The following ANKFN1 variants were observed in gnomAD, a reference collection of about 807,000 sequenced individuals.
ANKFN1 encodes the protein ankyrin repeat and fibronectin type III domain containing 1.
Under a neutral mutation model 108.7 loss-of-function variants are expected in ANKFN1, and 74 were observed. That is an observed-to-expected ratio of 0.68 (90% confidence interval 0.56 to 0.83). The LOEUF is 0.83. Among genes scored for constraint, ANKFN1 ranks in the 40% least tolerant of loss-of-function variants. The pLI is 0.00. For synonymous variants in ANKFN1, 547 were observed against 516.2 expected (o/e 1.06, Z -0.81); for missense variants, 1,505 against 1,382.3 (o/e 1.09, Z -1.41).
intron 1 of ANKFN1, among the ~76,000 whole-genome samples, chr17:56,196,618 G>A (rs1913536230): frequency 6.6e-6 from 1 of 152,128 alleles, no homozygotes; most frequent in African/African-American, 2.4e-5. Flanking sequence ...CACATACCCT[G>A]TAGTCCTGGC....
chr17:56,435,273 G>C lies in ANKFN1; in HGVS notation c.911-5054G>C, dbSNP rs117661570. ...TACTGAGCCACCTACACTCTGCTAG[G>C]TGCTATGATAGGTGCTTTGGAAAGT... On this transcript the variant is annotated intron_variant, in intron 8 of 20. Coordinates refer to ENST00000682825, the MANE Select transcript of ANKFN1 (RefSeq NM_001370326.1). 3.9e-3 allele frequency among the ~76,000 whole-genome samples: 595 copies of C among 152,274 alleles called. 3 individuals carry two copies. Among genetic ancestry groups the C allele is most frequent in the Middle Eastern group, 6.8e-3 (2 of 294 alleles).
At chr17:56,403,267 G>C (rs1057058941) in intron 8 of ANKFN1, among the ~76,000 whole-genome samples, 6 of 152,052 alleles carry the variant, frequency 3.9e-5, no homozygotes, top group African/African-American at 1.2e-4. Context: ...TTTCTGTCTT[G>C]ATGACCTATC....
chr17:56,228,124 A>G (rs1916424037), intron 3 of ANKFN1, 167 bp downstream of exon 3: 1 of 565,162 alleles, frequency 1.8e-6, no homozygotes, highest in Non-Finnish European at 3.0e-6. Flanking sequence ...ATCATGGAAC[A>G]TTTCAGAAAC....
At chr17:56,325,483 G>A (rs1262209209) in intron 3 of ANKFN1, among the ~76,000 whole-genome samples, 1 of 152,084 alleles carries the variant, frequency 6.6e-6, no homozygotes, top group Non-Finnish European at 1.5e-5. Flanking sequence ...AAAGGAGCCG[G>A]GTATACCCAT....
chr17:56,371,749 A>G (rs1433179017), intron 6 of ANKFN1, among the ~76,000 whole-genome samples: 1 of 152,192 alleles, frequency 6.6e-6, no homozygotes, highest in East Asian at 1.9e-4. Flanking sequence ...TGAGGAGATC[A>G]TAAGAGGCAG....
chr17:56,161,415 C>T (rs1305864755), intron 1 of ANKFN1, among the ~76,000 whole-genome samples: 1 of 152,114 alleles, frequency 6.6e-6, no homozygotes, highest in Non-Finnish European at 1.5e-5. Context: ...CTCTGTATTA[C>T]TTTGATATGA....
intron 1 of ANKFN1, among the ~76,000 whole-genome samples, chr17:56,210,568 C>A (rs1914910305): frequency 6.6e-6 from 1 of 152,050 alleles, no homozygotes; most frequent in Non-Finnish European, 1.5e-5. Flanking sequence ...ATGTCCTTAG[C>A]CCACTTTTGG....
At position 56,511,353 on chromosome 17, in the gene ANKFN1, A is replaced by AC; in HGVS notation, c.*87dup. On this transcript the variant is annotated 3_prime_UTR_variant, in exon 21 of 21. Coordinates refer to ENST00000682825, the MANE Select transcript of ANKFN1 (RefSeq NM_001370326.1). ...TTACCCCCATCCTGCCCCACTGTGT[A>AC]CCCACTCATTTTCAAGCGTTTTGAA... The AC allele has an allele frequency of 2.3e-6, 3 of 1,286,122 alleles. No homozygotes were observed. The highest frequency in any genetic ancestry group is 2.1e-6 in the Non-Finnish European group (2 of 962,768). The allele number at this position is 1,286,122 out of a possible 1,614,324, so 79.7% of individuals were successfully genotyped here.
chr17:56,189,170 C>CT lies in ANKFN1; in HGVS notation c.-70-23410dup, dbSNP rs532063852. ...CCTAAGTAAGTAAATGTTGCCCTGA[C>CT]TTTTTTTTTTTTTTTTTTGAGACGG... is the stretch of plus-strand genomic sequence containing the variant. On this transcript the variant is annotated intron_variant, in intron 1 of 20. Transcript: ENST00000682825. Among the ~76,000 whole-genome samples the CT allele has an allele frequency of 4.5e-3, 384 of 85,258 alleles. 38 individuals are homozygous for CT. Among genetic ancestry groups the CT allele is most frequent in the African/African-American group, 0.016 (237 of 14,762 alleles). The allele number at this position is 85,258 out of a possible 152,430, so 55.9% of individuals were successfully genotyped here.
chr17:56,513,379 A>G lies in ANKFN1; in HGVS notation c.*2110A>G, dbSNP rs185346738. Among the ~76,000 whole-genome samples, 367 of 152,350 alleles carry G rather than the reference A, an allele frequency of 2.4e-3. 2 individuals are homozygous for G. Among genetic ancestry groups the G allele is most frequent in the African/African-American group, 8.2e-3 (339 of 41,578 alleles). ...AACTTAATTAAACAGCAAATTTGGG[A>G]AAAACATCATTTCAAATTATGCCTC... is the stretch of plus-strand genomic sequence containing the variant. On this transcript the variant is annotated 3_prime_UTR_variant, in exon 21 of 21. Coordinates refer to ENST00000682825, the MANE Select transcript of ANKFN1 (RefSeq NM_001370326.1).
chr17:56,326,147 TAA>T, intron 3 of ANKFN1, 72 bp from the exon 4 acceptor site: 1 of 1,507,654 alleles, frequency 6.6e-7, no homozygotes, highest in East Asian at 2.3e-5. Flanking sequence ...TATTTTGCAT[TAA>T]GAGTATCTTC....
At chr17:56,055,818 T>C (rs1440618318) in intron 4 of ANKFN1, among the ~76,000 whole-genome samples, 1 of 151,458 alleles carries the variant, frequency 6.6e-6, no homozygotes, top group East Asian at 1.9e-4. Flanking sequence ...TCCATAGAGG[T>C]TGAAATAATT....
rs903880609 is a variant in ANKFN1 at position 56,190,080 on chromosome 17, T to C, written c.-70-22518T>C. On this transcript the variant is annotated intron_variant, in intron 1 of 20. Coordinates refer to ENST00000682825, the MANE Select transcript of ANKFN1 (RefSeq NM_001370326.1). ...ATATCCCCTTTATCATTTTTTATTG[T>C]GTCTATTTGATTCTTCTCTCTTTTT... Among the ~76,000 whole-genome samples, 10 of 149,722 alleles carry C rather than the reference T, an allele frequency of 6.7e-5. No homozygotes were observed. The Admixed American group carries it at 6.7e-4, about 10-fold the overall frequency.
At chr17:56,160,943 G>T (rs1373775110) in intron 1 of ANKFN1, among the ~76,000 whole-genome samples, 1 of 152,198 alleles carries the variant, frequency 6.6e-6, no homozygotes, top group African/African-American at 2.4e-5. Context: ...GTTGAACCTT[G>T]GGGTGTGAAG....
intron 16 of ANKFN1, among the ~76,000 whole-genome samples, chr17:56,478,604 T>C (rs1424194440): frequency 6.6e-6 from 1 of 152,070 alleles, no homozygotes; most frequent in Non-Finnish European, 1.5e-5. Context: ...CTTGGTAATC[T>C]GGCTCAACTT....
intron 4 of ANKFN1, among the ~76,000 whole-genome samples, chr17:56,333,223 C>T (rs139379573): frequency 6.6e-6 from 1 of 152,098 alleles, no homozygotes; most frequent in South Asian, 2.1e-4. Context: ...TAGGAGTAGA[C>T]ATTTTTGCCT....
chr17:56,499,057 C>G lies in ANKFN1; in HGVS notation c.2603C>G (p.Pro868Arg). 2 of 1,535,590 alleles carry G rather than the reference C, an allele frequency of 1.3e-6. No individual in the cohort carries two copies. The highest frequency in any genetic ancestry group is 1.7e-6 in the Non-Finnish European group (2 of 1,146,570). The change falls in exon 20 of 21, where the codon CCA becomes CGA. Residue 868 changes from proline to arginine, a missense_variant. Transcript: ENST00000682825. ...SSSHIDCLPS[P>R]PPSPEMHRRK... ...TCACATATAGACTGTCTTCCATCCC[C>G]ACCCCCATCCCCAGAGATGCACAGA...
rs1248687533 is a variant in ANKFN1, at chr17:56,514,010, C to T, written c.*2741C>T. ...GTCCTTTATTCATTTGGCCGACCTT[C>T]TACTTACAGAGACTTTACAATGTCT... On this transcript the variant is annotated 3_prime_UTR_variant, in exon 21 of 21. Transcript: ENST00000682825. 6.6e-6 allele frequency among the ~76,000 whole-genome samples: 1 copy of T among 152,158 alleles called. No homozygotes were observed. The highest frequency in any genetic ancestry group is 1.5e-5 in the Non-Finnish European group (1 of 68,028).
In ANKFN1 at chr17:56,292,730, A is replaced by G. The variant is rs541314639; in HGVS notation, c.54-33491A>G. On this transcript the variant is annotated intron_variant, in intron 3 of 20. Transcript: ENST00000682825. ...AAGCAAAGCAGTTTGATTTAGGGGG[A>G]AAAAAAAACCACTGCCATCTCACCT... is the stretch of plus-strand genomic sequence containing the variant. Among the ~76,000 whole-genome samples the G allele has an allele frequency of 1.3e-4, 19 of 151,030 alleles. No homozygotes were observed. The East Asian group carries it at 2.1e-3, about 17-fold the overall frequency.
Sources: allele counts gnomAD v4.1 joint callset (sites outside exome capture counted in the v4.1 genomes callset), GRCh38; gene constraint gnomAD v4.1.1; transcripts MANE v1.5; gene names NCBI Gene and HGNC (gene_info 2026-07-23, HGNC 2026-07-21).